The following CBFA2T2 variants were observed in gnomAD, a reference collection of about 807,000 sequenced individuals.
CBFA2T2 encodes CBFA2/RUNX1 partner transcriptional co-repressor 2, also known as protein CBFA2T2.
A neutral mutation model predicts 62.2 loss-of-function variants in CBFA2T2; 11 were observed. The observed-to-expected ratio is 0.18, with a 90% CI of 0.11 to 0.29. The LOEUF (loss-of-function observed/expected upper bound fraction) is 0.29, where lower values mean the gene tolerates loss of function less well. Among genes scored for constraint, CBFA2T2 ranks in the 10% least tolerant of loss-of-function variants. The pLI, the probability that CBFA2T2 is intolerant of heterozygous loss-of-function variation, is 1.00. For missense variants in CBFA2T2, 592 were observed against 774.1 expected, an observed-to-expected ratio of 0.76 and a Z score of 2.79; for synonymous variants, 295 against 287.5, an observed-to-expected ratio of 1.03 and a Z score of -0.27.
chr20:33,596,872 C>A (rs969143240), intron 1 of CBFA2T2, among the ~76,000 whole-genome samples: 1 of 151,502 alleles, frequency 6.6e-6, no homozygotes, highest in Non-Finnish European at 1.5e-5. Flanking sequence ...TAACTTCATC[C>A]TTCCAGTTGC....
rs1312553234 is a variant in CBFA2T2 at position 33,494,260 on chromosome 20, TATATATATA to T, written c.34+3960_34+3968del. 2.9e-4 allele frequency among the ~76,000 whole-genome samples: 23 copies of T among 77,984 alleles called. 1 individual carries two copies. The highest frequency in any genetic ancestry group is 1.1e-3 in the African/African-American group (21 of 18,326). The allele number at this position is 77,984 out of a possible 152,430, so 51.2% of individuals were successfully genotyped here. A position where few individuals can be genotyped will look rare whatever the true frequency, so the allele number is the denominator to read the frequency against. On this transcript the variant is annotated intron_variant, in intron 1 of 10. Coordinates refer to ENST00000342704, the MANE Select transcript of CBFA2T2 (RefSeq NM_001032999.3). Reference sequence around the variant, plus strand: ...ATATATGTGTATATATATATATATATATATATATATATATTTTTTTTTTTTTTTTTTTTT... The same window carrying T: ...ATATATGTGTATATATATATATATATTATATTTTTTTTTTTTTTTTTTTTT...
At position 33,570,282 on chromosome 20, in the gene CBFA2T2, A is replaced by T. The variant is rs192780812; in HGVS notation, c.35-36674A>T. Among the ~76,000 whole-genome samples, 109 of 148,724 alleles carry T rather than the reference A, an allele frequency of 7.3e-4. 2 individuals carry two copies. The East Asian group carries it at 0.02, about 27-fold the overall frequency. ...GGTGACAAGAGCGAGACTCCATCTCAAAAACAAACAAACAAAAAAAGATAC... is the reference window on the plus strand; with the variant it reads ...GGTGACAAGAGCGAGACTCCATCTCTAAAACAAACAAACAAAAAAAGATAC... On this transcript the variant is annotated intron_variant, in intron 1 of 10. Transcript: ENST00000342704.
chr20:33,642,027 T>A (rs754841537), intron 10 of CBFA2T2, among the ~76,000 whole-genome samples: 3 of 152,180 alleles, frequency 2.0e-5, no homozygotes, highest in Admixed American at 1.3e-4. Context: ...ATTACAGCTC[T>A]TCAATACAGA....
Position 33,648,768 on chromosome 20 carries a change from A to T in CBFA2T2, c.*4122A>T, listed in dbSNP as rs1249559869. 1 of 152,242 alleles carries T rather than the reference A, an allele frequency of 6.6e-6. No individual in the cohort carries two copies. The highest frequency in any genetic ancestry group is 1.5e-5 in the Non-Finnish European group (1 of 68,066). 9.4% of individuals were successfully genotyped at this position (152,242 alleles called of 1,614,324 possible). On this transcript the variant is annotated 3_prime_UTR_variant, in exon 11 of 11. Coordinates refer to ENST00000342704, the MANE Select transcript of CBFA2T2 (RefSeq NM_001032999.3). Reference sequence around the variant, plus strand: ...TCTGCAGCGTGGATTTCCTTTGCCCATTTGGGCCAGAAGGTCACCAGGAGT... The same window carrying T: ...TCTGCAGCGTGGATTTCCTTTGCCCTTTTGGGCCAGAAGGTCACCAGGAGT...
intron 1 of CBFA2T2, among the ~76,000 whole-genome samples, chr20:33,528,002 G>A (rs186702519): frequency 1.3e-5 from 2 of 152,180 alleles, no homozygotes; most frequent in East Asian, 1.9e-4. Flanking sequence ...TGGGATTGCA[G>A]GCTCATGCCA....
At chr20:33,541,772 G>A (rs546496133) in intron 1 of CBFA2T2, among the ~76,000 whole-genome samples, 1 of 152,134 alleles carries the variant, frequency 6.6e-6, no homozygotes, top group Admixed American at 6.6e-5. Context: ...ATAATTTTTG[G>A]TACTTTTTAC....
At chr20:33,499,719 A>G (rs2011247225) in intron 1 of CBFA2T2, among the ~76,000 whole-genome samples, 2 of 152,324 alleles carry the variant, frequency 1.3e-5, no homozygotes, top group African/African-American at 2.4e-5. Context: ...TTTTTTATGT[A>G]CATCAATCAT....
intron 3 of CBFA2T2, among the ~76,000 whole-genome samples, chr20:33,614,880 C>T (rs2015651712): frequency 6.6e-6 from 1 of 152,220 alleles, no homozygotes; most frequent in Non-Finnish European, 1.5e-5. Context: ...GTTTGCCATC[C>T]AGGGTCCTAG....
intron 8 of CBFA2T2, among the ~76,000 whole-genome samples, chr20:33,633,373 A>G (rs539236263): frequency 7.4e-4 from 68 of 91,634 alleles, no homozygotes; most frequent in African/African-American, 6.8e-3. Flanking sequence ...TCTGTCGCAA[A>G]AAAAAAATAA....
intron 1 of CBFA2T2, among the ~76,000 whole-genome samples, chr20:33,514,671 G>C (rs1359022905): frequency 2.6e-5 from 4 of 151,918 alleles, no homozygotes; most frequent in African/African-American, 4.8e-5. Context: ...ACCTTTTAAA[G>C]AGATTGCTTT....
In CBFA2T2 at chr20:33,629,820, A is replaced by C; in HGVS notation, c.1134A>C (p.Lys378Asn). The C allele has an allele frequency of 6.2e-7, 1 of 1,614,076 alleles. No homozygotes were observed. Among genetic ancestry groups the C allele is most frequent in the South Asian group, 1.1e-5 (1 of 91,080 alleles). ...ESDREELNYW[K>N]RRYNENTELR... ...ATCGTGAAGAACTCAACTACTGGAA[A>C]AGACGGTACAATGAAAACACAGAGC... The change falls in exon 8 of 11, where the codon AAA becomes AAC. Residue 378 changes from lysine to asparagine, a missense_variant. Physicochemically the swap from Lys to Asn is moderately conservative, Grantham distance 94. Around this residue, in one of 3 missense-constraint regions of CBFA2T2, gnomAD observed 449 missense variants for 551.2 expected, o/e 0.81. Transcript: ENST00000342704.
chr20:33,545,119 G>A (rs751255720), intron 1 of CBFA2T2, among the ~76,000 whole-genome samples: 1 of 151,912 alleles, frequency 6.6e-6, no homozygotes, highest in Non-Finnish European at 1.5e-5. Context: ...ACATTTTTTG[G>A]TATGTGTAAT....
chr20:33,589,358 C>G (rs1329888681), intron 1 of CBFA2T2, among the ~76,000 whole-genome samples: 1 of 152,170 alleles, frequency 6.6e-6, no homozygotes, highest in Non-Finnish European at 1.5e-5. Flanking sequence ...ATAAAGCACT[C>G]CATTTGTATA....
At chr20:33,642,116 TTGTGTGTGTGTGTGTGTG>T (rs869240464) in intron 10 of CBFA2T2, among the ~76,000 whole-genome samples, 5 of 59,012 alleles carry the variant, frequency 8.5e-5, no homozygotes, top group Non-Finnish European at 1.8e-4. Context: ...TTTTTTTTTT[TTGTGTGTGTGTGTGTGTG>T]TGTGTGTGTG....
chr20:33,533,526 G>C (rs1306137170), intron 1 of CBFA2T2, among the ~76,000 whole-genome samples: 1 of 152,124 alleles, frequency 6.6e-6, no homozygotes, highest in Non-Finnish European at 1.5e-5. Context: ...GTATTCTGTT[G>C]TATGGATATA....
At chr20:33,570,235 C>T (rs2013495656) in intron 1 of CBFA2T2, among the ~76,000 whole-genome samples, 1 of 152,198 alleles carries the variant, frequency 6.6e-6, no homozygotes, top group African/African-American at 2.4e-5. Context: ...GAGCCGAGAT[C>T]ATGCCACTGC....
chr20:33,616,727 A>C (rs77232342), intron 3 of CBFA2T2, among the ~76,000 whole-genome samples: 3 of 135,564 alleles, frequency 2.2e-5, no homozygotes, highest in East Asian at 4.3e-4. Flanking sequence ...ACTGTGTCTC[A>C]AAAAAAAAAA....
At chr20:33,507,632 G>A (rs2011426419) in intron 1 of CBFA2T2, among the ~76,000 whole-genome samples, 1 of 152,062 alleles carries the variant, frequency 6.6e-6, no homozygotes, top group Non-Finnish European at 1.5e-5. Context: ...ATACATTCCT[G>A]TAGGCCATAT....
At chr20:33,628,116 T>C (rs1199999621) in intron 6 of CBFA2T2, among the ~76,000 whole-genome samples, 1 of 152,258 alleles carries the variant, frequency 6.6e-6, no homozygotes, top group Admixed American at 6.5e-5. Context: ...TTTACCTCTT[T>C]TTCTTTAGGG....
Sources: allele counts gnomAD v4.1 joint callset (sites outside exome capture counted in the v4.1 genomes callset), GRCh38; gene constraint gnomAD v4.1.1; regional missense constraint gnomAD v4.1.1; transcripts MANE v1.5; gene names NCBI Gene and HGNC (gene_info 2026-07-23, HGNC 2026-07-21).